Variants in FAM107B observed in about 807,000 individuals in gnomAD.
FAM107B encodes family with sequence similarity 107 member B.
A neutral mutation model predicts 31.5 loss-of-function variants in FAM107B; 21 were observed. The observed-to-expected ratio is 0.67, with a 90% CI of 0.47 to 0.96. The LOEUF is 0.96. FAM107B is among the 40% of genes least tolerant of loss of function. FAM107B has a pLI of 0.00. For missense variants in FAM107B, 452 were observed against 377.1 expected (o/e 1.20, Z -1.64); for synonymous variants, 157 against 141.5 (o/e 1.11, Z -0.78).
At chr10:14,655,370 T>C (rs1854019858) in intron 2 of FAM107B, among the ~76,000 whole-genome samples, 1 of 152,196 alleles carries the variant, frequency 6.6e-6, no homozygotes, top group African/African-American at 2.4e-5. Flanking sequence ...TTTTAATTAT[T>C]TTTGATAGGG....
At chr10:14,595,359 G>A (rs562172822) in intron 2 of FAM107B, among the ~76,000 whole-genome samples, 3 of 149,678 alleles carry the variant, frequency 2.0e-5, no homozygotes, top group African/African-American at 4.9e-5. Context: ...GATTGAAAAC[G>A]CAAGACTTGG....
rs1184659183 is a variant in FAM107B, at chr10:14,767,037, TATATATATATATATATATAG to T, written c.411+7196_411+7215del. Reference sequence around the variant, plus strand: ...CCTGATGTGTATGTATATATATATATATATATATATATATATATAGAGAGAGAGAGAGAGAGAGAGAGAGA... The same window carrying T: ...CCTGATGTGTATGTATATATATATATAGAGAGAGAGAGAGAGAGAGAGAGA... On this transcript the variant is annotated intron_variant, in intron 1 of 4. Coordinates refer to ENST00000181796, the MANE Select transcript of FAM107B (RefSeq NM_031453.4). Among the ~76,000 whole-genome samples, 2 of 31,140 alleles carry T rather than the reference TATATATATATATATATATAG, an allele frequency of 6.4e-5. 1 individual carries two copies. The highest frequency in any genetic ancestry group is 4.8e-3 in the South Asian group (2 of 416). The allele number at this position is 31,140 out of a possible 152,430, so 20.4% of individuals were successfully genotyped here.
At chr10:14,598,439 A>T (rs192178136) in intron 2 of FAM107B, among the ~76,000 whole-genome samples, 15 of 152,294 alleles carry the variant, frequency 9.8e-5, no homozygotes, top group Non-Finnish European at 1.8e-4. Flanking sequence ...CAAGTGAAAG[A>T]AGCCAGGCAC....
At chr10:14,567,676 A>G (rs907677840) in intron 2 of FAM107B, among the ~76,000 whole-genome samples, 1 of 152,210 alleles carries the variant, frequency 6.6e-6, no homozygotes, top group Non-Finnish European at 1.5e-5. Flanking sequence ...GTTGGAATTC[A>G]AAAGCAGAGG....
At chr10:14,572,087 A>T in intron 2 of FAM107B, 1 of 985,460 alleles carries the variant, frequency 1.0e-6, no homozygotes, top group Non-Finnish European at 1.2e-6. Flanking sequence ...ATATCAAAAG[A>T]GCCACAGTTC....
At chr10:14,716,682 A>G (rs771828020) in intron 1 of FAM107B, among the ~76,000 whole-genome samples, 16 of 152,232 alleles carry the variant, frequency 1.1e-4, no homozygotes, top group Non-Finnish European at 1.6e-4. Context: ...TCAAGCGATC[A>G]CAGGTTTGAA....
At chr10:14,595,610 G>T (rs10906709) in intron 2 of FAM107B, among the ~76,000 whole-genome samples, 4 of 151,872 alleles carry the variant, frequency 2.6e-5, no homozygotes, top group Non-Finnish European at 5.9e-5. Flanking sequence ...AATTTTAGTA[G>T]AGACAGGTTT....
At chr10:14,705,255 A>G (rs1369883947) in intron 1 of FAM107B, among the ~76,000 whole-genome samples, 2 of 152,176 alleles carry the variant, frequency 1.3e-5, no homozygotes, top group Admixed American at 6.6e-5. Context: ...ACCCTTGTAC[A>G]CTGCTGGGGG....
chr10:14,706,607 A>G (rs55643809), intron 1 of FAM107B, among the ~76,000 whole-genome samples: 7,845 of 152,260 alleles, frequency 0.052, 338 homozygotes, highest in African/African-American at 0.12. Context: ...TTATAAATAT[A>G]TATAGCTTTT....
intron 1 of FAM107B, among the ~76,000 whole-genome samples, chr10:14,759,218 AAAT>A (rs1210899836): frequency 1.3e-5 from 2 of 152,068 alleles, no homozygotes; most frequent in East Asian, 3.9e-4. Flanking sequence ...ATAAATAAAT[AAAT>A]AAAAAGCAGC....
chr10:14,529,143 T>C (rs1276968743), intron 3 of FAM107B, among the ~76,000 whole-genome samples: 3 of 152,212 alleles, frequency 2.0e-5, no homozygotes, highest in African/African-American at 7.2e-5. Flanking sequence ...TAGGATGGCT[T>C]CTAAATTCTG....
intron 1 of FAM107B, among the ~76,000 whole-genome samples, chr10:14,718,466 G>A (rs1564270445): frequency 6.9e-6 from 1 of 144,146 alleles, no homozygotes; most frequent in African/African-American, 2.5e-5. Context: ...AAGGAAGGAA[G>A]GAAGAAAAGG....
Position 14,520,965 on chromosome 10 carries a change from ATT to A in FAM107B, c.*223_*224del. On this transcript the variant is annotated 3_prime_UTR_variant, in exon 5 of 5. Coordinates refer to ENST00000181796, the MANE Select transcript of FAM107B (RefSeq NM_031453.4). ...TTAAGTCTCTGAACACAGGTCCATC[ATT>A]CCAACTTACGTGCGGGGCACTGCCC... 2 of 467,082 alleles carry A rather than the reference ATT, an allele frequency of 4.3e-6. No individual in the cohort carries two copies. The highest frequency in any genetic ancestry group is 7.5e-6 in the Non-Finnish European group (2 of 265,770). 28.9% of individuals were successfully genotyped at this position (467,082 alleles called of 1,614,324 possible).
chr10:14,736,877 A>G (rs1270121449), intron 1 of FAM107B, among the ~76,000 whole-genome samples: 3 of 152,224 alleles, frequency 2.0e-5, no homozygotes, highest in Non-Finnish European at 4.4e-5. Context: ...GTTGTGGTTT[A>G]GAGCTGCAGA....
chr10:14,553,468 A>G, intron 2 of FAM107B: 1 of 803,116 alleles, frequency 1.2e-6, no homozygotes. Context: ...TAATTTTCTA[A>G]GAAGCTGAAC....
In FAM107B at chr10:14,718,163, C is replaced by G. The variant is rs951404658; in HGVS notation, c.412-50472G>C. On this transcript the variant is annotated intron_variant, in intron 1 of 4. Coordinates refer to ENST00000181796, the MANE Select transcript of FAM107B (RefSeq NM_031453.4). The stretch of plus-strand genomic sequence containing the variant: ...CCAACATGGTGAAACCCTGTCTCTA[C>G]TAAAAATACAAAAATTAGCTGAATG... Among the ~76,000 whole-genome samples, 11 of 152,200 alleles carry G rather than the reference C, an allele frequency of 7.2e-5. No individual in the cohort carries two copies. The South Asian group carries it at 2.1e-3, about 29-fold the overall frequency.
intron 3 of FAM107B, 130 bp downstream of exon 3, chr10:14,530,202 G>T (rs1846804760): frequency 3.9e-6 from 4 of 1,014,156 alleles, no homozygotes; most frequent in Non-Finnish European, 5.7e-6. Context: ...ATGTGAGAAG[G>T]AATAAGAAAG....
intron 1 of FAM107B, among the ~76,000 whole-genome samples, chr10:14,687,760 G>C (rs1315518724): frequency 6.6e-6 from 1 of 152,152 alleles, no homozygotes; most frequent in African/African-American, 2.4e-5. Flanking sequence ...CCTGGCTAGA[G>C]CATGATAGAA....
At chr10:14,668,200 C>T (rs7900661) in intron 1 of FAM107B, among the ~76,000 whole-genome samples, 4,921 of 152,084 alleles carry the variant, frequency 0.032, 259 homozygotes, top group African/African-American at 0.11. Flanking sequence ...CACCACCAGG[C>T]CTGGCTGATT....
Sources: gnomAD v4.1 joint callset for allele counts (sites outside exome capture counted in the v4.1 genomes callset) on GRCh38, gnomAD v4.1.1 for gene constraint, MANE v1.5 for transcripts, NCBI Gene and HGNC (gene_info 2026-07-23, HGNC 2026-07-21) for gene names.